Variants in SLC8A1 observed in about 807,000 individuals in gnomAD.
SLC8A1 encodes sodium/calcium exchanger 1.
A neutral mutation model predicts 68.3 loss-of-function variants in SLC8A1; 18 were observed. That is an observed-to-expected ratio of 0.26 (90% confidence interval 0.18 to 0.39). SLC8A1 has a LOEUF of 0.39. Ranked by LOEUF, SLC8A1 falls within the 10% of genes least tolerant of loss-of-function variation. The pLI is 1.00. For synonymous variants in SLC8A1, 475 were observed against 415.5 expected (o/e 1.14, Z -1.74); for missense variants, 985 against 1,156.7 (o/e 0.85, Z 2.15).
At chr2:40,332,001 G>A (rs1159174187) in intron 2 of SLC8A1, among the ~76,000 whole-genome samples, 1 of 152,022 alleles carries the variant, frequency 6.6e-6, no homozygotes, top group Non-Finnish European at 1.5e-5. Context: ...ACTGTCTGGA[G>A]TGCAGTGGTG....
At chr2:40,269,210 T>C (rs1574941068) in intron 2 of SLC8A1, among the ~76,000 whole-genome samples, 1 of 152,220 alleles carries the variant, frequency 6.6e-6, no homozygotes, top group Non-Finnish European at 1.5e-5. Context: ...TATAGGACTG[T>C]TAGCTTATTT....
At chr2:40,293,689 C>A (rs1475511155) in intron 2 of SLC8A1, among the ~76,000 whole-genome samples, 1 of 152,134 alleles carries the variant, frequency 6.6e-6, no homozygotes, top group African/African-American at 2.4e-5. Context: ...GACCTAGTTT[C>A]TCTCTGGTTA....
At chr2:40,440,701 G>T (rs983057131) in intron 1 of SLC8A1, among the ~76,000 whole-genome samples, 2 of 152,066 alleles carry the variant, frequency 1.3e-5, no homozygotes, top group Non-Finnish European at 2.9e-5. Context: ...CTCAATAGAC[G>T]CAGAAAAGGC....
intron 6 of SLC8A1, among the ~76,000 whole-genome samples, chr2:40,143,631 A>G (rs2041963877): frequency 6.6e-6 from 1 of 152,212 alleles, no homozygotes; most frequent in South Asian, 2.1e-4. Context: ...CCAAATCATT[A>G]AAAATGCAGA....
At chr2:40,382,484 G>A (rs1374209481) in intron 2 of SLC8A1, among the ~76,000 whole-genome samples, 3 of 152,024 alleles carry the variant, frequency 2.0e-5, no homozygotes, top group Admixed American at 1.3e-4. Flanking sequence ...TAAAATATGA[G>A]TGTTTTAAAA....
intron 7 of SLC8A1, among the ~76,000 whole-genome samples, chr2:40,138,097 T>C (rs2040865539): frequency 6.6e-6 from 1 of 152,212 alleles, no homozygotes; most frequent in Admixed American, 6.5e-5. Flanking sequence ...AGGTATTTTT[T>C]TCCAATCTTG....
chr2:40,481,095 G>A (rs1704598088), intron 1 of SLC8A1, among the ~76,000 whole-genome samples: 1 of 152,124 alleles, frequency 6.6e-6, no homozygotes, highest in Non-Finnish European at 1.5e-5. Flanking sequence ...ACAAAAGAAA[G>A]CATATTTTCT....
At chr2:40,478,240 T>TCAGA (rs4015629) in intron 1 of SLC8A1, among the ~76,000 whole-genome samples, 91,096 of 151,386 alleles carry the variant, frequency 0.6, 27,522 homozygotes, top group South Asian at 0.64. Context: ...TCACACACAA[T>TCAGA]CAGAGTCCAT....
intron 2 of SLC8A1, among the ~76,000 whole-genome samples, chr2:40,313,856 T>C (rs2074073723): frequency 6.6e-6 from 1 of 152,156 alleles, no homozygotes; most frequent in Non-Finnish European, 1.5e-5. Flanking sequence ...TCTGCTCAAA[T>C]ATTTGACCAA....
chr2:40,160,087 G>C (rs940238964), intron 6 of SLC8A1, among the ~76,000 whole-genome samples: 37 of 152,166 alleles, frequency 2.4e-4, no homozygotes, highest in Non-Finnish European at 5.3e-4. Flanking sequence ...GAATCTTTAA[G>C]AGGGACTTTC....
At chr2:40,305,774 C>A (rs374526070) in intron 2 of SLC8A1, among the ~76,000 whole-genome samples, 1 of 152,134 alleles carries the variant, frequency 6.6e-6, no homozygotes, top group Admixed American at 6.6e-5. Context: ...GAGAAAGAAG[C>A]CTCCTTATTT....
chr2:40,265,577 A>C (rs1003548123), intron 2 of SLC8A1, among the ~76,000 whole-genome samples: 37 of 152,314 alleles, frequency 2.4e-4, no homozygotes, highest in African/African-American at 8.4e-4. Context: ...CCATAGGTTC[A>C]TGACCTGAAG....
intron 2 of SLC8A1, among the ~76,000 whole-genome samples, chr2:40,226,464 A>G (rs116419549): frequency 0.014 from 2,168 of 152,216 alleles, 53 homozygotes; most frequent in Non-Finnish European, 0.013. Flanking sequence ...AGGCACAGGG[A>G]AAGTCTAGAA....
chr2:40,229,283 T>C (rs1010392937), intron 2 of SLC8A1, among the ~76,000 whole-genome samples: 2 of 152,054 alleles, frequency 1.3e-5, no homozygotes, highest in African/African-American at 4.8e-5. Context: ...ATTTTCACAA[T>C]TGTAATGATA....
intron 2 of SLC8A1, among the ~76,000 whole-genome samples, chr2:40,308,184 T>C (rs1243408324): frequency 1.3e-5 from 2 of 152,184 alleles, no homozygotes; most frequent in African/African-American, 4.8e-5. Context: ...TGCTAATTTC[T>C]GAGGAGAAGG....
chr2:40,455,062 C>A (rs1044207344), upstream of SLC8A1, among the ~76,000 whole-genome samples: 2 of 152,168 alleles, frequency 1.3e-5, no homozygotes, highest in Non-Finnish European at 2.9e-5. Context: ...CTAACCAAAG[C>A]AATACGACAC....
At chr2:40,292,219 G>C (rs2069461398) in intron 2 of SLC8A1, among the ~76,000 whole-genome samples, 1 of 152,046 alleles carries the variant, frequency 6.6e-6, no homozygotes, top group Non-Finnish European at 1.5e-5. Context: ...ATTGACAAAA[G>C]AAAATATATT....
At chr2:40,231,934 G>C (rs542774683) in intron 2 of SLC8A1, among the ~76,000 whole-genome samples, 3 of 152,154 alleles carry the variant, frequency 2.0e-5, no homozygotes, top group Non-Finnish European at 2.9e-5. Context: ...TAATATAGGA[G>C]GGACTCGACG....
intron 1 of SLC8A1, among the ~76,000 whole-genome samples, chr2:40,509,440 T>TC (rs1198288805): frequency 9.1e-6 from 1 of 110,224 alleles, no homozygotes; most frequent in Non-Finnish European, 2.2e-5. Flanking sequence ...ATTTGGAATT[T>TC]TTTTTTTTTT....
Sources: allele counts gnomAD v4.1 joint callset (sites outside exome capture counted in the v4.1 genomes callset), GRCh38; gene constraint gnomAD v4.1.1; transcripts MANE v1.5; gene names NCBI Gene and HGNC (gene_info 2026-07-23, HGNC 2026-07-21).